Variants in ABI3BP observed in about 807,000 individuals in gnomAD.
ABI3BP encodes target of Nesh-SH3.
Under a neutral mutation model 268.6 loss-of-function variants are expected in ABI3BP, and 216 were observed. The observed-to-expected ratio is 0.80, with a 90% CI of 0.72 to 0.90. ABI3BP has a LOEUF of 0.90. ABI3BP is among the 40% of genes least tolerant of loss of function. ABI3BP has a pLI of 0.00. For synonymous variants in ABI3BP, 730 were observed against 730.0 expected (o/e 1.00, Z 0.00); for missense variants, 2,090 against 2,182.4 (o/e 0.96, Z 0.84).
rs547646330 is a variant in ABI3BP at position 100,794,851 on chromosome 3, GTATTATGGTTACTT to G, written c.3946+58_3946+71del. On this transcript the variant is annotated intron_variant, in intron 54 of 67. Coordinates refer to ENST00000471714, the MANE Select transcript of ABI3BP (RefSeq NM_001375547.2). ...TTTAGAAAAAATCTGTGAACATAATGTATTATGGTTACTTTAAGGGAAATTCCTAAAAGGCAAGC... is the reference window on the plus strand; with the variant it reads ...TTTAGAAAAAATCTGTGAACATAATGTAAGGGAAATTCCTAAAAGGCAAGC... The G allele has an allele frequency of 7.3e-3, 7,995 of 1,093,784 alleles. 35 individuals carry two copies. The highest frequency in any genetic ancestry group is 9.1e-3 in the Non-Finnish European group (6,714 of 739,402). 67.8% of individuals were successfully genotyped at this position (1,093,784 alleles called of 1,614,324 possible).
At chr3:100,848,171 G>A (rs1426219676) in intron 18 of ABI3BP, among the ~76,000 whole-genome samples, 1 of 152,120 alleles carries the variant, frequency 6.6e-6, no homozygotes, top group Non-Finnish European at 1.5e-5. Context: ...CCAGAGTCAT[G>A]TCCTCTCTAA....
chr3:100,992,537 T>C (rs779379240), intron 1 of ABI3BP, among the ~76,000 whole-genome samples: 1 of 152,182 alleles, frequency 6.6e-6, no homozygotes, highest in Non-Finnish European at 1.5e-5. Flanking sequence ...AGAGTTGGCT[T>C]AGAGAAGTGC....
chr3:100,910,249 A>G (rs9290249), intron 2 of ABI3BP, among the ~76,000 whole-genome samples: 152,090 of 152,120 alleles, frequency 1, 76,030 homozygotes, highest in Non-Finnish European at 1. Flanking sequence ...TCACACACTG[A>G]GGCCTGTTGG....
chr3:100,787,819 T>C lies in ABI3BP; in HGVS notation c.4088-17A>G, dbSNP rs2097095310. 2.7e-6 allele frequency: 4 copies of C among 1,475,942 alleles called. No individual in the cohort carries two copies. The highest frequency in any genetic ancestry group is 9.0e-7 in the Non-Finnish European group (1 of 1,116,728). The allele number at this position is 1,475,942 out of a possible 1,614,324, so 91.4% of individuals were successfully genotyped here. On this transcript the variant is annotated splice_polypyrimidine_tract_variant and intron_variant, in intron 56 of 67. Transcript: ENST00000471714. ...TATTCAGAACTAAAATAAAGTGGGATATAAATAGTTCATTTTCTTATTGAA... is the reference window on the plus strand; with the variant it reads ...TATTCAGAACTAAAATAAAGTGGGACATAAATAGTTCATTTTCTTATTGAA...
At chr3:100,921,153 G>A (rs191381693) in intron 2 of ABI3BP, among the ~76,000 whole-genome samples, 15 of 152,352 alleles carry the variant, frequency 9.8e-5, no homozygotes, top group East Asian at 9.6e-4. Context: ...GTGAGAACAC[G>A]AGAATTAAAA....
At chr3:100,964,230 T>A (rs926821042) in intron 1 of ABI3BP, among the ~76,000 whole-genome samples, 1 of 152,058 alleles carries the variant, frequency 6.6e-6, no homozygotes, top group Non-Finnish European at 1.5e-5. Context: ...GCCACTTGTA[T>A]GGTAAAGAGC....
At chr3:100,966,435 A>C (rs2081328131) in intron 1 of ABI3BP, among the ~76,000 whole-genome samples, 2 of 152,214 alleles carry the variant, frequency 1.3e-5, no homozygotes, top group Admixed American at 1.3e-4. Flanking sequence ...TAAAAACAGC[A>C]GAGTTGAGTA....
At chr3:100,988,052 A>T (rs1246696018) in intron 1 of ABI3BP, among the ~76,000 whole-genome samples, 1 of 152,206 alleles carries the variant, frequency 6.6e-6, no homozygotes, top group Non-Finnish European at 1.5e-5. Flanking sequence ...ACATAAATAT[A>T]TGTTACTCAA....
intron 67 of ABI3BP, 112 bp downstream of exon 67, chr3:100,751,440 T>A: frequency 8.9e-7 from 1 of 1,126,822 alleles, no homozygotes; most frequent in South Asian, 3.8e-5. Context: ...CCTAGATATG[T>A]GGAGCAGTAG....
At position 100,862,916 on chromosome 3, in the gene ABI3BP, T is replaced by C. The variant is rs2099013226; in HGVS notation, c.1139-7A>G. On this transcript the variant is annotated splice_polypyrimidine_tract_variant and splice_region_variant and intron_variant, in intron 12 of 67. Coordinates refer to ENST00000471714, the MANE Select transcript of ABI3BP (RefSeq NM_001375547.2). ...TCTGGAAGGCTTTTTGGAGCTGTAA[T>C]GAAACACATAAAGAAAGTTACGACC... 1 of 1,533,228 alleles carries C rather than the reference T, an allele frequency of 6.5e-7. No individual in the cohort carries two copies. The highest frequency in any genetic ancestry group is 1.4e-5 in the African/African-American group (1 of 72,898). The allele number at this position is 1,533,228 out of a possible 1,614,324, so 95.0% of individuals were successfully genotyped here.
chr3:100,793,726 C>T (rs570761445), intron 54 of ABI3BP, among the ~76,000 whole-genome samples: 2 of 151,908 alleles, frequency 1.3e-5, no homozygotes, highest in Admixed American at 6.6e-5. Flanking sequence ...TCAGTAGATA[C>T]CCACAAAGGA....
intron 50 of ABI3BP, among the ~76,000 whole-genome samples, chr3:100,805,123 C>T (rs2097666607): frequency 6.6e-6 from 1 of 152,058 alleles, no homozygotes; most frequent in African/African-American, 2.4e-5. Context: ...AAGATGACAA[C>T]TTTTTAGAAA....
chr3:100,945,948 C>T (rs2071967950), intron 1 of ABI3BP, among the ~76,000 whole-genome samples: 1 of 152,110 alleles, frequency 6.6e-6, no homozygotes, highest in Admixed American at 6.5e-5. Context: ...ATTTCTCTTG[C>T]TTGAGGACCA....
At chr3:100,959,919 C>T (rs894744789) in intron 1 of ABI3BP, among the ~76,000 whole-genome samples, 2 of 152,170 alleles carry the variant, frequency 1.3e-5, no homozygotes, top group Non-Finnish European at 1.5e-5. Flanking sequence ...TGTCTACTGT[C>T]CTACATAATG....
intron 14 of ABI3BP, among the ~76,000 whole-genome samples, chr3:100,855,428 C>T (rs2098928920): frequency 6.6e-6 from 1 of 152,180 alleles, no homozygotes; most frequent in Admixed American, 6.5e-5. Context: ...TTAACATTAA[C>T]TCTTAGACAA....
intron 63 of ABI3BP, among the ~76,000 whole-genome samples, chr3:100,763,323 T>C (rs1255552472): frequency 6.6e-6 from 1 of 151,094 alleles, no homozygotes; most frequent in Admixed American, 6.6e-5. Flanking sequence ...AGTAGCCGGG[T>C]GTGGTGGTAG....
chr3:100,792,886 A>G, intron 54 of ABI3BP, 118 bp from the exon 55 acceptor site: 1 of 783,106 alleles, frequency 1.3e-6, no homozygotes, highest in Non-Finnish European at 2.1e-6. Flanking sequence ...GCATTTAGAA[A>G]TACACTCAGT....
intron 58 of ABI3BP, among the ~76,000 whole-genome samples, chr3:100,779,921 A>G (rs1417605217): frequency 6.6e-6 from 1 of 152,232 alleles, no homozygotes; most frequent in Admixed American, 6.5e-5. Context: ...AGAAGTTCCT[A>G]TTAATACTTA....
At chr3:100,990,682 A>C (rs2092771333) in intron 1 of ABI3BP, among the ~76,000 whole-genome samples, 1 of 151,760 alleles carries the variant, frequency 6.6e-6, no homozygotes, top group Non-Finnish European at 1.5e-5. Context: ...ATTTACAAGA[A>C]ACTCTTTTAT....
Sources: gnomAD v4.1 joint callset for allele counts (sites outside exome capture counted in the v4.1 genomes callset) on GRCh38, gnomAD v4.1.1 for gene constraint, MANE v1.5 for transcripts, NCBI Gene and HGNC (gene_info 2026-07-23, HGNC 2026-07-21) for gene names.